The following MAPKAPK2 variants were observed in gnomAD, a reference collection of about 807,000 sequenced individuals.
MAPKAPK2 encodes the protein MAPK activated protein kinase 2, also known as MAP kinase-activated protein kinase 2.
MAPKAPK2 carries 9 observed loss-of-function variants against 48.8 expected under a neutral mutation model. The ratio of observed to expected loss-of-function variants is 0.18; its 90% CI spans 0.11 to 0.32. The LOEUF is 0.32. Among genes scored for constraint, MAPKAPK2 ranks in the 10% least tolerant of loss-of-function variants. The probability of loss-of-function intolerance (pLI) is 1.00; values close to 1 mark genes in which losing one functional copy is unlikely to be tolerated. For missense variants in MAPKAPK2, 331 were observed against 498.3 expected, an observed-to-expected ratio of 0.66 and a Z score of 3.20; for synonymous variants, 202 against 190.6, an observed-to-expected ratio of 1.06 and a Z score of -0.49.
At chr1:206,725,510 G>C (rs1296941278) in intron 1 of MAPKAPK2, among the ~76,000 whole-genome samples, 1 of 152,136 alleles carries the variant, frequency 6.6e-6, no homozygotes, top group African/African-American at 2.4e-5. Context: ...CACTTTTAGA[G>C]GTATTATTTC....
intron 1 of MAPKAPK2, among the ~76,000 whole-genome samples, chr1:206,718,778 G>A (rs1023536904): frequency 6.6e-6 from 1 of 152,102 alleles, no homozygotes; most frequent in Non-Finnish European, 1.5e-5. Context: ...CCATTAAAAT[G>A]CTTTATGAAT....
At chr1:206,694,561 G>T (rs782651470) in intron 1 of MAPKAPK2, among the ~76,000 whole-genome samples, 8 of 152,236 alleles carry the variant, frequency 5.3e-5, no homozygotes, top group Non-Finnish European at 1.2e-4. Context: ...CTAGAAGAAG[G>T]TTAGTAGGAT....
intron 1 of MAPKAPK2, among the ~76,000 whole-genome samples, chr1:206,705,557 C>G (rs1255799483): frequency 6.6e-6 from 1 of 152,162 alleles, no homozygotes; most frequent in Non-Finnish European, 1.5e-5. Context: ...TCTGCCTTCT[C>G]CTTTCCGATG....
rs546546506 is a variant in MAPKAPK2 at position 206,733,180 on chromosome 1, G to T, written c.*462G>T. The T allele has an allele frequency of 6.2e-6, 1 of 160,772 alleles. No individual in the cohort carries two copies. The highest frequency in any genetic ancestry group is 6.1e-5 in the Admixed American group (1 of 16,374). 10.0% of individuals were successfully genotyped at this position (160,772 alleles called of 1,614,324 possible). On this transcript the variant is annotated 3_prime_UTR_variant, in exon 10 of 10. Transcript: ENST00000367103. ...TGGGGTTGTCCCCGCTGGCTCACGC[G>T]TTCTGGGAGCTCAAGGCCACCTTGG...
chr1:206,730,319 C>T (rs544838776), intron 5 of MAPKAPK2, among the ~76,000 whole-genome samples: 74 of 152,330 alleles, frequency 4.9e-4, no homozygotes, highest in African/African-American at 1.7e-3. Context: ...CTGAGAAGAG[C>T]CATGGTTTCC....
At chr1:206,709,432 T>C (rs1197318798) in intron 1 of MAPKAPK2, among the ~76,000 whole-genome samples, 4 of 152,178 alleles carry the variant, frequency 2.6e-5, no homozygotes, top group African/African-American at 9.7e-5. Flanking sequence ...GGGAGAAATA[T>C]AGAGTGTGGG....
At chr1:206,723,245 T>C (rs1027956367) in intron 1 of MAPKAPK2, among the ~76,000 whole-genome samples, 3 of 152,142 alleles carry the variant, frequency 2.0e-5, no homozygotes, top group Admixed American at 6.5e-5. Context: ...AACACCTTCA[T>C]TGAAATGGGT....
Position 206,731,458 on chromosome 1 carries a change from C to A in MAPKAPK2, c.893-182C>A. On this transcript the variant is annotated intron_variant, in intron 7 of 9. Coordinates refer to ENST00000367103, the MANE Select transcript of MAPKAPK2 (RefSeq NM_032960.4). This position sits in a 1 kb window ranked among gnomAD's most constrained non-coding sequence, Gnocchi z 5.9. ...TGGAGGGCTGGAGGCAGGGCCAAGG[C>A]TGTGGGGCTGTGCAGGGCCTCTCAA... 8.5e-7 allele frequency: 1 copy of A among 1,175,430 alleles called. No individual in the cohort carries two copies. Among genetic ancestry groups the A allele is most frequent in the Non-Finnish European group, 1.2e-6 (1 of 824,414 alleles). The allele number at this position is 1,175,430 out of a possible 1,614,324, so 72.8% of individuals were successfully genotyped here. A position where few individuals can be genotyped will look rare whatever the true frequency, so the allele number is the denominator to read the frequency against.
chr1:206,694,832 C>G (rs918475233), intron 1 of MAPKAPK2, among the ~76,000 whole-genome samples: 6 of 152,230 alleles, frequency 3.9e-5, no homozygotes, highest in Non-Finnish European at 7.3e-5. Flanking sequence ...CATCCCATAC[C>G]TTCTACATCC....
Position 206,727,917 on chromosome 1 carries a change from C to T in MAPKAPK2, c.280-793C>T, listed in dbSNP as rs1673757198. On this transcript the variant is annotated intron_variant, in intron 1 of 9. Transcript: ENST00000367103. ...GGATTACAGGCACGAGCCACCGTGC[C>T]CGGCAGCAGATTTCTTACAAGGCTC... Among the ~76,000 whole-genome samples, 3 of 152,188 alleles carry T rather than the reference C, an allele frequency of 2.0e-5. 1 individual carries two copies. The South Asian group carries it at 6.2e-4, about 31-fold the overall frequency.
chr1:206,730,232 G>T, intron 5 of MAPKAPK2, 134 bp downstream of exon 5: 1 of 1,100,450 alleles, frequency 9.1e-7, no homozygotes, highest in Non-Finnish European at 1.3e-6. Context: ...GGTTCTGCTG[G>T]GACCTGCTGA....
intron 1 of MAPKAPK2, among the ~76,000 whole-genome samples, chr1:206,721,504 AG>A (rs1481009702): frequency 6.6e-6 from 1 of 152,214 alleles, no homozygotes; most frequent in African/African-American, 2.4e-5. Flanking sequence ...TTAACATCAA[AG>A]GGTTTGCACT....
chr1:206,711,704 G>T (rs1413866855), intron 1 of MAPKAPK2, among the ~76,000 whole-genome samples: 2 of 142,762 alleles, frequency 1.4e-5, no homozygotes, highest in Non-Finnish European at 3.0e-5. Flanking sequence ...TGAAACCCCT[G>T]CCTCCCAGGC....
At chr1:206,712,972 A>ACATG (rs1377131828) in intron 1 of MAPKAPK2, among the ~76,000 whole-genome samples, 2 of 149,562 alleles carry the variant, frequency 1.3e-5, no homozygotes, top group African/African-American at 5.0e-5. Flanking sequence ...TCACACACAC[A>ACATG]CACACACACA....
intron 1 of MAPKAPK2, among the ~76,000 whole-genome samples, chr1:206,699,061 A>T (rs1268188937): frequency 2.0e-5 from 3 of 152,220 alleles, no homozygotes; most frequent in African/African-American, 7.2e-5. Context: ...CTACGATGAG[A>T]TGAATAAGTT....
chr1:206,685,623 C>A, intron 1 of MAPKAPK2, 115 bp downstream of exon 1: 2 of 698,432 alleles, frequency 2.9e-6, no homozygotes, highest in Non-Finnish European at 3.5e-6. Flanking sequence ...GTGGCCGCGG[C>A]GGGGCGGGGC....
intron 1 of MAPKAPK2, among the ~76,000 whole-genome samples, chr1:206,716,981 G>A (rs1366044171): frequency 1.3e-5 from 2 of 152,184 alleles, no homozygotes; most frequent in East Asian, 3.9e-4. Context: ...ATTGGTAAGT[G>A]TTTATTGTGA....
intron 1 of MAPKAPK2, among the ~76,000 whole-genome samples, chr1:206,699,033 C>T (rs997415598): frequency 2.0e-5 from 3 of 152,144 alleles, no homozygotes; most frequent in Non-Finnish European, 4.4e-5. Flanking sequence ...TTATGGGATA[C>T]TTATTTTGTG....
At chr1:206,720,420 A>G (rs1553431049) in intron 1 of MAPKAPK2, among the ~76,000 whole-genome samples, 1 of 152,114 alleles carries the variant, frequency 6.6e-6, no homozygotes, top group African/African-American at 2.4e-5. Flanking sequence ...GCTGGAGTGC[A>G]GGCTCACTAC....
Sources: gnomAD v4.1 joint callset for allele counts (sites outside exome capture counted in the v4.1 genomes callset) on GRCh38, gnomAD v4.1.1 for gene constraint, Gnocchi (gnomAD v3.1) non-coding constraint, MANE v1.5 for transcripts, NCBI Gene and HGNC (gene_info 2026-07-23, HGNC 2026-07-21) for gene names.